The following TSPEAR variants were observed in gnomAD, a reference collection of about 807,000 sequenced individuals.
TSPEAR encodes thrombospondin-type laminin G domain and EAR repeat-containing protein.
In TSPEAR, 69 loss-of-function variants were observed where a neutral mutation model predicts 71.6. The ratio of observed to expected loss-of-function variants is 0.96; its 90% CI spans 0.79 to 1.18. TSPEAR has a LOEUF of 1.18. Among genes scored for constraint, TSPEAR ranks in the 50% most tolerant of loss-of-function variants. The pLI is 0.00. For missense variants in TSPEAR, 971 were observed against 894.9 expected, an observed-to-expected ratio of 1.09 and a Z score of -1.09; for synonymous variants, 402 against 387.2, an observed-to-expected ratio of 1.04 and a Z score of -0.45.
intron 9 of TSPEAR, 78 bp downstream of exon 9, chr21:44,521,805 C>A: frequency 1.4e-6 from 2 of 1,389,146 alleles, no homozygotes; most frequent in Admixed American, 3.5e-5. Flanking sequence ...CCCCAGCCCA[C>A]ATCACCTGTC....
At chr21:44,515,094 C>T (rs2052520552) in intron 9 of TSPEAR, among the ~76,000 whole-genome samples, 1 of 152,188 alleles carries the variant, frequency 6.6e-6, no homozygotes. Flanking sequence ...TTCAAAGCAT[C>T]TCGGCTTCAC....
intron 1 of TSPEAR, chr21:44,600,608 G>C (rs780545702): frequency 3.5e-5 from 57 of 1,608,486 alleles, no homozygotes; most frequent in Non-Finnish European, 4.8e-5. Context: ...ATCTCCTCCA[G>C]TTCAATCCCC....
At chr21:44,682,124 G>A (rs1471301132) in intron 1 of TSPEAR, 9 of 1,613,288 alleles carry the variant, frequency 5.6e-6, no homozygotes, top group Non-Finnish European at 5.9e-6. Flanking sequence ...TGTGGCACAT[G>A]GTGGCGTGTG....
Position 44,623,532 on chromosome 21 carries a change from C to T in TSPEAR, c.83-55527G>A, listed in dbSNP as rs1000017833. ...TCCTCCTTTTGTTACACTTCATTTC[C>T]TTTTCGACTTCTTGCTTCCATCTGT... On this transcript the variant is annotated intron_variant, in intron 1 of 11. Coordinates refer to ENST00000323084, the MANE Select transcript of TSPEAR (RefSeq NM_144991.3). The surrounding 1 kb of genome is among the most constrained non-coding windows in gnomAD (Gnocchi z 4.5). Among the ~76,000 whole-genome samples the T allele has an allele frequency of 2.6e-5, 4 of 152,188 alleles. No homozygotes were observed. The highest frequency in any genetic ancestry group is 2.6e-4 in the Admixed American group (4 of 15,286).
chr21:44,600,782 G>A (rs782799472), intron 1 of TSPEAR: 10 of 1,592,372 alleles, frequency 6.3e-6, no homozygotes, highest in Non-Finnish European at 8.5e-6. Context: ...CCCTGCCTGA[G>A]CCTGGTCTGC....
chr21:44,527,240 C>T (rs1438616504), intron 7 of TSPEAR, 52 bp downstream of exon 7: 17 of 1,601,898 alleles, frequency 1.1e-5, no homozygotes, highest in Admixed American at 1.0e-4. Flanking sequence ...CCTGTGGACT[C>T]GGGGCTTTCC....
rs1987681857 is a variant in TSPEAR, at chr21:44,702,198, C to T, written c.82+9235G>A. On this transcript the variant is annotated intron_variant, in intron 1 of 11. Coordinates refer to ENST00000323084, the MANE Select transcript of TSPEAR (RefSeq NM_144991.3). ...CATCCACCCCACAGAGCAAAAGCTC[C>T]AGAGGAACAAAGGGGCCTCCCTGAG... The T allele has an allele frequency of 3.9e-6, 6 of 1,554,624 alleles. No homozygotes were observed. The African/African-American group carries it at 8.2e-5, about 21-fold the overall frequency.
rs140436354 is a variant in TSPEAR at position 44,710,412 on chromosome 21, GACCCCC to G, written c.82+1015_82+1020del. Among the ~76,000 whole-genome samples the G allele has an allele frequency of 0.076, 11,471 of 150,562 alleles. 1,181 individuals carry two copies. The highest frequency in any genetic ancestry group is 0.24 in the African/African-American group (9,653 of 40,784). ...TCCCTGGGTGGGCAGGCACGTTTAT[GACCCCC>G]ACCCCCACCCCCACCCCCCACGCGA... On this transcript the variant is annotated intron_variant, in intron 1 of 11. Transcript: ENST00000323084. This position sits in a 1 kb window ranked among gnomAD's most constrained non-coding sequence, Gnocchi z 4.6.
chr21:44,605,966 G>A (rs958347880), intron 1 of TSPEAR, among the ~76,000 whole-genome samples: 2 of 151,704 alleles, frequency 1.3e-5, no homozygotes, highest in Admixed American at 1.3e-4. Flanking sequence ...TGCATCAAAC[G>A]AAAAAGCTGT....
At chr21:44,703,724 G>A (rs1359525936) in intron 1 of TSPEAR, among the ~76,000 whole-genome samples, 1 of 152,180 alleles carries the variant, frequency 6.6e-6, no homozygotes, top group Non-Finnish European at 1.5e-5. Flanking sequence ...ACATGACCTA[G>A]GGATCCCACA....
intron 1 of TSPEAR, chr21:44,627,023 A>T: frequency 7.9e-7 from 1 of 1,258,260 alleles, no homozygotes; most frequent in East Asian, 2.4e-5. Flanking sequence ...GCAACAAGGA[A>T]GGGGAAGCTG....
At position 44,631,069 on chromosome 21, in the gene TSPEAR, G is replaced by A. The variant is rs193287362; in HGVS notation, c.83-63064C>T. 3.4e-3 allele frequency among the ~76,000 whole-genome samples: 356 copies of A among 105,862 alleles called. 2 individuals are homozygous for A. Among genetic ancestry groups the A allele is most frequent in the African/African-American group, 0.01 (321 of 32,090 alleles). 69.4% of individuals were successfully genotyped at this position (105,862 alleles called of 152,430 possible). A position where few individuals can be genotyped will look rare whatever the true frequency, so the allele number is the denominator to read the frequency against. On this transcript the variant is annotated intron_variant, in intron 1 of 11. Coordinates refer to ENST00000323084, the MANE Select transcript of TSPEAR (RefSeq NM_144991.3). ...AGAAGCAAGAATGTATGGTTCATTC[G>A]CAGTAAAGAAAGAAAAAAAAGCCAA...
Position 44,627,292 on chromosome 21 carries a change from C to A in TSPEAR, c.83-59287G>T, listed in dbSNP as rs200201249. On this transcript the variant is annotated intron_variant, in intron 1 of 11. Transcript: ENST00000323084. ...CGCCACCAGCTGCTGCGCCCCGGCCCCCTGCCTGACCCTGGTCTGCACCCC... is the reference window on the plus strand; with the variant it reads ...CGCCACCAGCTGCTGCGCCCCGGCCACCTGCCTGACCCTGGTCTGCACCCC... 4.3e-6 allele frequency: 7 copies of A among 1,612,588 alleles called. No individual in the cohort carries two copies. In the East Asian group the frequency reaches 1.6e-4, roughly 36 times the overall value.
intron 1 of TSPEAR, among the ~76,000 whole-genome samples, chr21:44,609,024 G>C (rs1981490935): frequency 6.6e-6 from 1 of 152,168 alleles, no homozygotes; most frequent in Non-Finnish European, 1.5e-5. Flanking sequence ...TTAATGCAAT[G>C]GGGCAGCAAA....
intron 9 of TSPEAR, among the ~76,000 whole-genome samples, chr21:44,511,846 G>A (rs903660576): frequency 2.0e-5 from 3 of 152,252 alleles, no homozygotes; most frequent in African/African-American, 4.8e-5. Flanking sequence ...GGGGGACCCC[G>A]AGCTGGCACT....
At chr21:44,702,562 A>C in intron 1 of TSPEAR, 1 of 1,609,362 alleles carries the variant, frequency 6.2e-7, no homozygotes, top group Non-Finnish European at 8.5e-7. Context: ...CCAGCAGTCT[A>C]GCTGCCAGCC....
At chr21:44,677,360 T>C (rs1986365298) in intron 1 of TSPEAR, 1 of 1,389,068 alleles carries the variant, frequency 7.2e-7, no homozygotes, top group Non-Finnish European at 1.0e-6. Flanking sequence ...CGGCTTTCAA[T>C]ATGTTGGAGT....
intron 1 of TSPEAR, among the ~76,000 whole-genome samples, chr21:44,668,527 A>G (rs1263669195): frequency 6.6e-6 from 1 of 152,220 alleles, no homozygotes; most frequent in East Asian, 1.9e-4. Context: ...TTTCTTGCAG[A>G]AATAGAAAAA....
intron 1 of TSPEAR, chr21:44,666,571 C>T (rs75799438): frequency 0.044 from 69,977 of 1,602,294 alleles, 1,758 homozygotes; most frequent in Middle Eastern, 0.066. Context: ...CTCACAGGCA[C>T]GCACAGGGAG....
Sources: gnomAD v4.1 joint callset for allele counts (sites outside exome capture counted in the v4.1 genomes callset) on GRCh38, gnomAD v4.1.1 for gene constraint, Gnocchi (gnomAD v3.1) non-coding constraint, MANE v1.5 for transcripts, NCBI Gene and HGNC (gene_info 2026-07-23, HGNC 2026-07-21) for gene names.